CHPF2: variants seen among roughly 807,000 people sequenced by gnomAD.
CHPF2 encodes the protein chondroitin polymerizing factor 2.
Under a neutral mutation model 63.0 loss-of-function variants are expected in CHPF2, and 58 were observed. That is an observed-to-expected ratio of 0.92 (90% CI 0.75 to 1.15). The LOEUF (loss-of-function observed/expected upper bound fraction) is 1.15. CHPF2 is among the 50% of genes most tolerant of loss of function. The pLI, the probability that CHPF2 is intolerant of heterozygous loss-of-function variation, is 0.00. For missense variants in CHPF2, 1,045 were observed against 1,035.4 expected, an observed-to-expected ratio of 1.01 and a Z score of -0.13; for synonymous variants, 442 against 438.0, an observed-to-expected ratio of 1.01 and a Z score of -0.11.
Position 151,232,708 on chromosome 7 carries a change from C to T in CHPF2, c.-1304C>T. On this transcript the variant is annotated 5_prime_UTR_variant, in exon 1 of 4. Transcript: ENST00000035307. ...TCCGCCGGCCCCCGGCCCTGAAACC[C>T]GGGCCTCCTCCCCGAGGGCCTTGGG... The T allele has an allele frequency of 1.3e-6, 2 of 1,483,792 alleles. No homozygotes were observed. Among genetic ancestry groups the T allele is most frequent in the Non-Finnish European group, 9.0e-7 (1 of 1,116,692 alleles). 91.9% of individuals were successfully genotyped at this position (1,483,792 alleles called of 1,614,324 possible).
chr7:151,237,407 GA>G lies in CHPF2; in HGVS notation c.1047del (p.Glu351ArgfsTer4). 1 of 1,606,360 alleles carries G rather than the reference GA, an allele frequency of 6.2e-7. No individual in the cohort carries two copies. Among genetic ancestry groups the G allele is most frequent in the South Asian group, 1.1e-5 (1 of 90,928 alleles). ...QIRNLTVLTP[E>X]GEAGLSWPVG... is the part of the protein sequence containing the mutation. ...CCGGAACCTGACCGTGCTGACCCCC[GA>G]AGGGGAGGCAGGGCTGAGCTGGCCC... On this transcript the variant is annotated frameshift_variant, in exon 4 of 4. Coordinates refer to ENST00000035307, the MANE Select transcript of CHPF2 (RefSeq NM_019015.3). LOFTEE classifies it high-confidence loss of function.
rs1802602062 is a variant in CHPF2 at position 151,235,270 on chromosome 7, G to A, written c.486G>A (p.Glu162=). The change falls in exon 2 of 4, where the codon GAG becomes GAA. Residue 162 remains glutamate (E), a synonymous_variant. Coordinates refer to ENST00000035307, the MANE Select transcript of CHPF2 (RefSeq NM_019015.3). ...AGCGGCCCGCCTGGCTCATGTCAGAGACCCTGCGCCACCTTCACACACACT... is the reference window on the plus strand; with the variant it reads ...AGCGGCCCGCCTGGCTCATGTCAGAAACCCTGCGCCACCTTCACACACACT... ...GDERPAWLMS[E]TLRHLHTHFG... The A allele has an allele frequency of 2.5e-6, 4 of 1,613,596 alleles. No individual in the cohort carries two copies. The highest frequency in any genetic ancestry group is 3.4e-6 in the Non-Finnish European group (4 of 1,179,854).
chr7:151,235,685 C>G, intron 2 of CHPF2, 73 bp downstream of exon 2: 1 of 1,390,700 alleles, frequency 7.2e-7, no homozygotes, highest in Non-Finnish European at 9.9e-7. Flanking sequence ...TTCCTCCCAG[C>G]AGCACCTTAG....
chr7:151,232,819 G>C lies in CHPF2; in HGVS notation c.-1193G>C. The C allele has an allele frequency of 6.7e-7, 1 of 1,483,114 alleles. No homozygotes were observed. Among genetic ancestry groups the C allele is most frequent in the Non-Finnish European group, 8.9e-7 (1 of 1,123,166 alleles). 91.9% of individuals were successfully genotyped at this position (1,483,114 alleles called of 1,614,324 possible). ...GCCGACTGGCCTGAGAACGAGGTCT[G>C]TGCCCCAGTCTCCCAGCCGCGACCT... is the stretch of plus-strand genomic sequence containing the variant. On this transcript the variant is annotated 5_prime_UTR_variant, in exon 1 of 4. Transcript: ENST00000035307.
At position 151,232,823 on chromosome 7, in the gene CHPF2, C is replaced by T. The variant is rs1275184758; in HGVS notation, c.-1189C>T. On this transcript the variant is annotated 5_prime_UTR_variant, in exon 1 of 4. Coordinates refer to ENST00000035307, the MANE Select transcript of CHPF2 (RefSeq NM_019015.3). ...ACTGGCCTGAGAACGAGGTCTGTGC[C>T]CCAGTCTCCCAGCCGCGACCTCCGA... The T allele has an allele frequency of 6.8e-7, 1 of 1,475,340 alleles. No individual in the cohort carries two copies. Among genetic ancestry groups the T allele is most frequent in the East Asian group, 2.9e-5 (1 of 34,364 alleles). 91.4% of individuals were successfully genotyped at this position (1,475,340 alleles called of 1,614,324 possible).
chr7:151,234,649 G>A (rs2608292), intron 1 of CHPF2, among the ~76,000 whole-genome samples: 61,858 of 151,852 alleles, frequency 0.41, 12,992 homozygotes, highest in East Asian at 0.72. Context: ...ACACCACCAC[G>A]CCCAGCTAAT....
chr7:151,235,920 AG>A (rs1468653253), intron 2 of CHPF2, among the ~76,000 whole-genome samples: 1 of 152,186 alleles, frequency 6.6e-6, no homozygotes, highest in African/African-American at 2.4e-5. Context: ...CATGTCTTAG[AG>A]ATGGCTAGTC....
chr7:151,236,828 A>G, intron 3 of CHPF2: 2 of 601,554 alleles, frequency 3.3e-6, no homozygotes, highest in South Asian at 1.7e-5. Flanking sequence ...ATGCAGCTAA[A>G]GGGGTTTGCA....
In CHPF2 at chr7:151,236,454, A is replaced by G. The variant is rs1404688966; in HGVS notation, c.875A>G (p.Glu292Gly). The change falls in exon 3 of 4, where the codon GAG becomes GGG. Residue 292 changes from glutamate (E) to glycine (G), a missense_variant. By Grantham distance (98) the Glu-to-Gly change is moderately conservative. Coordinates refer to ENST00000035307, the MANE Select transcript of CHPF2 (RefSeq NM_019015.3). ...GAACTGGCCAAAAATAGGGACCCTG[A>G]GAAGGAAGGGAGCTCGGCTTTCCTG... The part of the protein sequence containing the change: ...SFELAKNRDP[E>G]KEGSSAFLSA... 1 of 1,604,656 alleles carries G rather than the reference A, an allele frequency of 6.2e-7. No homozygotes were observed. The highest frequency in any genetic ancestry group is 8.5e-7 in the Non-Finnish European group (1 of 1,172,486).
chr7:151,232,619 C>A lies in CHPF2; in HGVS notation c.-1393C>A. 1.3e-6 allele frequency: 1 copy of A among 760,918 alleles called. No homozygotes were observed. The highest frequency in any genetic ancestry group is 2.0e-6 in the Non-Finnish European group (1 of 504,260). The allele number at this position is 760,918 out of a possible 1,614,324, so 47.1% of individuals were successfully genotyped here. Reference sequence around the variant, plus strand: ...GCGCGTGCGGGACGCCGCTCTTGGTCCCCACGCCTCCGCCCCGCCCCCTCC... The same window carrying A: ...GCGCGTGCGGGACGCCGCTCTTGGTACCCACGCCTCCGCCCCGCCCCCTCC... On this transcript the variant is annotated 5_prime_UTR_variant, in exon 1 of 4. Transcript: ENST00000035307.
At chr7:151,237,052 T>G (rs1802680478) in intron 3 of CHPF2, 1 of 579,880 alleles carries the variant, frequency 1.7e-6, no homozygotes. Context: ...AAGGTGTGAT[T>G]ATGAAGAGGA....
chr7:151,236,492 G>T lies in CHPF2; in HGVS notation c.913G>T (p.Val305Leu), dbSNP rs377232422. 6.2e-7 allele frequency: 1 copy of T among 1,611,130 alleles called. No individual in the cohort carries two copies. Among genetic ancestry groups the T allele is most frequent in the East Asian group, 2.2e-5 (1 of 44,744 alleles). The change falls in exon 3 of 4, where the codon GTG becomes TTG. Residue 305 changes from valine (V) to leucine (L), a missense_variant. By Grantham distance (32) the Val-to-Leu change is conservative. Coordinates refer to ENST00000035307, the MANE Select transcript of CHPF2 (RefSeq NM_019015.3). Reference sequence around the variant, plus strand: ...CTCGGCTTTCCTGAGTGCCTTCGCCGTGCACCCTGTCTCCGAAGGTACCCT... The same window carrying T: ...CTCGGCTTTCCTGAGTGCCTTCGCCTTGCACCCTGTCTCCGAAGGTACCCT... Reference protein sequence around the residue: ...GSSAFLSAFAVHPVSEGTLMY... With the variant: ...GSSAFLSAFALHPVSEGTLMY...
At chr7:151,237,128 G>A (rs567088222) in intron 3 of CHPF2, 8 of 629,236 alleles carry the variant, frequency 1.3e-5, no homozygotes, top group Non-Finnish European at 2.3e-5. Flanking sequence ...TTTTACCTGT[G>A]CAAAAAGCAC....
intron 3 of CHPF2, among the ~76,000 whole-genome samples, 169 bp downstream of exon 3, chr7:151,236,759 G>A (rs1033233223): frequency 2.6e-5 from 4 of 152,218 alleles, no homozygotes; most frequent in African/African-American, 9.7e-5. Flanking sequence ...AGCAACTACA[G>A]GGACAAAGGT....
Position 151,238,327 on chromosome 7 carries a change from C to G in CHPF2, c.1965C>G (p.Ser655=). ...CCTCCCCTCCTGGTGCTGACCCCTCCCGGGGGGCTCCTATAGGGGGGAGAT... is the reference window on the plus strand; with the variant it reads ...CCTCCCCTCCTGGTGCTGACCCCTCGCGGGGGGCTCCTATAGGGGGGAGAT... ...DPPSPPGADP[S]RGAPIGGRFD... Residue 655 remains serine (S), a synonymous_variant, in exon 4 of 4, where the codon TCC becomes TCG. Coordinates refer to ENST00000035307, the MANE Select transcript of CHPF2 (RefSeq NM_019015.3). 6.2e-7 allele frequency: 1 copy of G among 1,610,024 alleles called. No individual in the cohort carries two copies. Among genetic ancestry groups the G allele is most frequent in the Non-Finnish European group, 8.5e-7 (1 of 1,178,106 alleles).
rs538755428 is a variant in CHPF2 at position 151,238,553 on chromosome 7, C to T, written c.2191C>T (p.Arg731Ter). 10 of 1,612,206 alleles carry T rather than the reference C, an allele frequency of 6.2e-6. No individual in the cohort carries two copies. The highest frequency in any genetic ancestry group is 4.5e-5 in the East Asian group (2 of 44,804). The change falls in exon 4 of 4, where the codon CGA becomes TGA. Residue 731 changes from arginine (R) to a stop codon, truncating the protein, a stop_gained. Coordinates refer to ENST00000035307, the MANE Select transcript of CHPF2 (RefSeq NM_019015.3). LOFTEE classifies it high-confidence loss of function. ...AGGGCTGGTGCAGAAGTTCTCCCTG[C>T]GAGACTGCAGCCCACGGCTCAGTGA... ...EPGLVQKFSL[R>*]DCSPRLSEEL...
chr7:151,236,489 G>T lies in CHPF2; in HGVS notation c.910G>T (p.Ala304Ser), dbSNP rs138616070. ...GAGCTCGGCTTTCCTGAGTGCCTTCGCCGTGCACCCTGTCTCCGAAGGTAC... is the reference window on the plus strand; with the variant it reads ...GAGCTCGGCTTTCCTGAGTGCCTTCTCCGTGCACCCTGTCTCCGAAGGTAC... ...EGSSAFLSAF[A>S]VHPVSEGTLM... Residue 304 changes from alanine (A) to serine (S), a missense_variant, in exon 3 of 4, where the codon GCC (alanine) becomes TCC (serine). By Grantham distance (99) the Ala-to-Ser change is moderately conservative (BLOSUM62 1). Coordinates refer to ENST00000035307, the MANE Select transcript of CHPF2 (RefSeq NM_019015.3). 6.2e-7 allele frequency: 1 copy of T among 1,611,290 alleles called. No homozygotes were observed. The highest frequency in any genetic ancestry group is 1.1e-5 in the South Asian group (1 of 91,000).
At chr7:151,236,364 G>A in intron 2 of CHPF2, 44 bp from the exon 3 acceptor site, 1 of 1,509,060 alleles carries the variant, frequency 6.6e-7, no homozygotes, top group Non-Finnish European at 9.0e-7. Context: ...TTTGGGACTG[G>A]CAGCTCTTGT....
At position 151,232,549 on chromosome 7, in the gene CHPF2, G is replaced by A. The variant is rs938578314; in HGVS notation, c.-1463G>A. 3 of 514,346 alleles carry A rather than the reference G, an allele frequency of 5.8e-6. No homozygotes were observed. The highest frequency in any genetic ancestry group is 1.0e-5 in the Non-Finnish European group (3 of 295,068). 31.9% of individuals were successfully genotyped at this position (514,346 alleles called of 1,614,324 possible). On this transcript the variant is annotated 5_prime_UTR_variant, in exon 1 of 4. Transcript: ENST00000035307. ...CAGCGGCGGAGCCGGCGCCTCAGCGGGCACTGGGGTCTGTTCCCCCTTCCC... is the reference window on the plus strand; with the variant it reads ...CAGCGGCGGAGCCGGCGCCTCAGCGAGCACTGGGGTCTGTTCCCCCTTCCC...
Sources: allele counts gnomAD v4.1 joint callset (sites outside exome capture counted in the v4.1 genomes callset), GRCh38; gene constraint gnomAD v4.1.1; transcripts MANE v1.5; gene names NCBI Gene and HGNC (gene_info 2026-07-23, HGNC 2026-07-21).